Variants in RNF213 observed in about 807,000 individuals in gnomAD.
RNF213 encodes E3 ubiquitin-protein ligase RNF213.
In RNF213, 341 loss-of-function variants were observed where a neutral mutation model predicts 514.4. The observed-to-expected ratio is 0.66, with a 90% confidence interval of 0.61 to 0.73. RNF213 has a LOEUF of 0.73. Ranked by LOEUF, RNF213 falls within the 30% of genes least tolerant of loss-of-function variation. The probability of loss-of-function intolerance (pLI) is 0.00; values close to 1 mark genes in which losing one functional copy is unlikely to be tolerated. For synonymous variants in RNF213, 2,655 were observed against 2,658.2 expected (o/e 1.00, Z 0.04); for missense variants, 5,767 against 6,615.6 (o/e 0.87, Z 4.45).
In RNF213 at chr17:80,317,426, G is replaced by GC. The variant is rs1446489048; in HGVS notation, c.2901+152dup. 47 of 766,030 alleles carry GC rather than the reference G, an allele frequency of 6.1e-5. No individual in the cohort carries two copies. The highest frequency in any genetic ancestry group is 1.6e-5 in the Non-Finnish European group (7 of 435,284). The allele number at this position is 766,030 out of a possible 1,614,324, so 47.5% of individuals were successfully genotyped here. On this transcript the variant is annotated intron_variant, in intron 16 of 67. Transcript: ENST00000582970. This position sits in a 1 kb window ranked among gnomAD's most constrained non-coding sequence, Gnocchi z 4.1. ...GCTCCGTGTTTCTGTTTCTGATCCA[G>GC]CCCTTATAGTCTGTCCCTAGAAGAG...
In RNF213 at chr17:80,293,634, T is replaced by C. The variant is rs1479444232; in HGVS notation, c.1472-1086T>C. On this transcript the variant is annotated intron_variant, in intron 8 of 67. Transcript: ENST00000582970. ...GTCAGGAGATCAAGACCATCCTGGC[T>C]AACACGGTGAAACCCCGTCTCTACT... Among the ~76,000 whole-genome samples, 4 of 151,862 alleles carry C rather than the reference T, an allele frequency of 2.6e-5. No homozygotes were observed. In the South Asian group the frequency reaches 6.2e-4, roughly 24 times the overall value.
chr17:80,349,595 C>T (rs2078430962), intron 29 of RNF213, among the ~76,000 whole-genome samples, 175 bp from the exon 30 acceptor site: 1 of 152,196 alleles, frequency 6.6e-6, no homozygotes, highest in African/African-American at 2.4e-5. Flanking sequence ...TAGGGCCTCT[C>T]GGCCCCAGCG....
intron 26 of RNF213, 48 bp downstream of exon 26, chr17:80,340,404 C>T (rs558949997): frequency 3.7e-5 from 56 of 1,517,252 alleles, no homozygotes; most frequent in Admixed American, 1.9e-4. Context: ...AGGGACTGCC[C>T]GGGGCCCTTC....
At chr17:80,314,318 A>G (rs1421211936) in intron 15 of RNF213, among the ~76,000 whole-genome samples, 9 of 29,524 alleles carry the variant, frequency 3.0e-4, no homozygotes, top group Admixed American at 3.5e-4. Context: ...TGGTGGAGGT[A>G]ATGGAGGTGA....
intron 22 of RNF213, among the ~76,000 whole-genome samples, chr17:80,334,842 G>T (rs1342953979): frequency 2.6e-5 from 4 of 151,590 alleles, no homozygotes; most frequent in Admixed American, 1.3e-4. Context: ...TAGCCAGGAT[G>T]GTCTCGATCT....
chr17:80,277,446 A>G (rs559461602), intron 3 of RNF213, among the ~76,000 whole-genome samples: 1 of 152,042 alleles, frequency 6.6e-6, no homozygotes, highest in African/African-American at 2.4e-5. Context: ...AAAAATACAA[A>G]AAGTAGCCGG....
intron 3 of RNF213, chr17:80,279,035 G>A: frequency 8.1e-7 from 1 of 1,240,732 alleles, no homozygotes; most frequent in Non-Finnish European, 1.1e-6. Context: ...TGCCCAGGAT[G>A]GGCGTTTTCG....
chr17:80,362,923 TGACCTTAAC>T (rs2079108779), intron 39 of RNF213, among the ~76,000 whole-genome samples, 170 bp from the exon 40 acceptor site: 1 of 152,202 alleles, frequency 6.6e-6, no homozygotes, highest in African/African-American at 2.4e-5. Context: ...GACGACACGG[TGACCTTAAC>T]GTGGGAGGAG....
At chr17:80,319,059 A>G (rs2046047913) in intron 16 of RNF213, 131 bp from the exon 17 acceptor site, 1 of 1,594,096 alleles carries the variant, frequency 6.3e-7, no homozygotes, top group Non-Finnish European at 8.5e-7. Context: ...TGCGTGGGCC[A>G]GGAGAAGCTT....
chr17:80,379,569 A>C, intron 54 of RNF213, 51 bp from the exon 55 acceptor site: 1 of 1,520,278 alleles, frequency 6.6e-7, no homozygotes, highest in South Asian at 1.1e-5. Context: ...GCATTTGTGC[A>C]TAAAATGGTA....
intron 17 of RNF213, chr17:80,320,009 C>T (rs1428161555): frequency 4.9e-6 from 5 of 1,025,052 alleles, no homozygotes; most frequent in East Asian, 8.6e-5. Flanking sequence ...TTCCCTTTTT[C>T]GTTAACTCTT....
chr17:80,366,892 T>C (rs1403846634), intron 42 of RNF213, among the ~76,000 whole-genome samples: 1 of 152,230 alleles, frequency 6.6e-6, no homozygotes, highest in Non-Finnish European at 1.5e-5. Flanking sequence ...TCAAATTCCA[T>C]TAGTACAGCC....
intron 47 of RNF213, 55 bp downstream of exon 47, chr17:80,372,040 G>C: frequency 2.1e-6 from 2 of 942,238 alleles, no homozygotes; most frequent in South Asian, 1.3e-5. Flanking sequence ...GAACCACATG[G>C]TTTAAAATTT....
rs200178604 is a variant in RNF213 at position 80,295,025 on chromosome 17, G to A, written c.1755+22G>A. On this transcript the variant is annotated intron_variant, in intron 9 of 67. Coordinates refer to ENST00000582970, the MANE Select transcript of RNF213 (RefSeq NM_001256071.3). ...AGAGGTATCAGGCTTGCCACCAGCT[G>A]CTCTACCTGCTGGGCAGGAGCCACA... is the stretch of plus-strand genomic sequence containing the variant. 5 of 1,613,614 alleles carry A rather than the reference G, an allele frequency of 3.1e-6. No homozygotes were observed. The South Asian group carries it at 3.3e-5, about 11-fold the overall frequency.
At chr17:80,272,391 G>A (rs1309449183) in intron 2 of RNF213, among the ~76,000 whole-genome samples, 1 of 152,264 alleles carries the variant, frequency 6.6e-6, no homozygotes, top group Non-Finnish European at 1.5e-5. Flanking sequence ...TGTCTGGTGA[G>A]GGCTTTTGTG....
At position 80,343,254 on chromosome 17, in the gene RNF213, G is replaced by A. The variant is rs567647577; in HGVS notation, c.6112G>A (p.Ala2038Thr). ...PQVDESRVLG[A>T]LLPFLDAQYQ... ...GGTGGATGAGAGCCGAGTCCTGGGC[G>A]CCCTGCTGCCCTTCCTGGATGCGCA... Residue 2038 changes from alanine (A) to threonine (T), a missense_variant, in exon 27 of 68, where the codon GCC becomes ACC. Physicochemically the swap from Ala to Thr is moderately conservative, Grantham distance 58. Transcript: ENST00000582970. The surrounding 1 kb of genome is among the most constrained non-coding windows in gnomAD (Gnocchi z 4.3). The A allele has an allele frequency of 2.5e-5, 41 of 1,613,828 alleles. No homozygotes were observed. The highest frequency in any genetic ancestry group is 1.2e-4 in the African/African-American group (9 of 75,012).
rs755830451 is a variant in RNF213, at chr17:80,375,837, A to C, written c.13152A>C (p.Arg4384Ser). Residue 4384 changes from arginine to serine, a missense_variant, in exon 51 of 68, where the codon AGA becomes AGC. This residue lies in a region of RNF213 where 1,245 missense variants were observed against 1,339.0 expected (regional missense o/e 0.93). Transcript: ENST00000582970. ...TLFREVAILY[R>S]SHNASLHPTP... ...TTAGAGAGGTGGCTATTTTGTACAG[A>C]TCCCACAATGCAAGCCTCCACCCCA... The C allele has an allele frequency of 1.2e-6, 2 of 1,614,052 alleles. No individual in the cohort carries two copies. The highest frequency in any genetic ancestry group is 2.2e-5 in the South Asian group (2 of 91,084).
intron 3 of RNF213, among the ~76,000 whole-genome samples, chr17:80,274,182 G>A (rs995275639): frequency 5.3e-5 from 8 of 152,076 alleles, no homozygotes; most frequent in African/African-American, 1.9e-4. Context: ...GGTGTGGGGT[G>A]GGTGCTCTGG....
chr17:80,317,553 C>T lies in RNF213; in HGVS notation c.2901+276C>T, dbSNP rs562809636. 1.3e-5 allele frequency among the ~76,000 whole-genome samples: 2 copies of T among 152,300 alleles called. No homozygotes were observed. The highest frequency in any genetic ancestry group is 3.9e-4 in the East Asian group (2 of 5,168). The stretch of plus-strand genomic sequence containing the variant: ...CCTGACCCCTTCGTTGGACTTGCGA[C>T]AGGGATGCTGTGTTTACTTGGCCCG... On this transcript the variant is annotated intron_variant, in intron 16 of 67. Transcript: ENST00000582970. The surrounding 1 kb of genome is among the most constrained non-coding windows in gnomAD (Gnocchi z 4.1).
Sources: gnomAD v4.1 joint callset for allele counts (sites outside exome capture counted in the v4.1 genomes callset) on GRCh38, gnomAD v4.1.1 for gene constraint, gnomAD v4.1.1 regional missense constraint, Gnocchi (gnomAD v3.1) non-coding constraint, MANE v1.5 for transcripts, NCBI Gene and HGNC (gene_info 2026-07-23, HGNC 2026-07-21) for gene names.